Variants in HNF4G observed in about 807,000 individuals in gnomAD.
The protein encoded by HNF4G is hepatocyte nuclear factor 4 gamma.
A neutral mutation model predicts 50.9 loss-of-function variants in HNF4G; 21 were observed. That is an observed-to-expected ratio of 0.41 (90% CI 0.29 to 0.59). The LOEUF is 0.59. Ranked by LOEUF, HNF4G falls within the 20% of genes least tolerant of loss-of-function variation. The pLI, the probability that HNF4G is intolerant of heterozygous loss-of-function variation, is 0.26. For synonymous variants in HNF4G, 198 were observed against 185.6 expected, an observed-to-expected ratio of 1.07 and a Z score of -0.54; for missense variants, 527 against 559.4, an observed-to-expected ratio of 0.94 and a Z score of 0.58.
At chr8:75,472,095 G>T (rs1812128136) in intron 1 of HNF4G, among the ~76,000 whole-genome samples, 1 of 152,020 alleles carries the variant, frequency 6.6e-6, no homozygotes, top group African/African-American at 2.4e-5. Flanking sequence ...CCTATTGAAA[G>T]TGTTTCCCTT....
chr8:75,425,146 T>C (rs1235748610), intron 1 of HNF4G, among the ~76,000 whole-genome samples: 1 of 151,482 alleles, frequency 6.6e-6, no homozygotes, highest in Non-Finnish European at 1.5e-5. Context: ...AGTGCAGTGG[T>C]GCAATCTCGG....
chr8:75,529,019 G>T lies in HNF4G; in HGVS notation c.-23-14792G>T, dbSNP rs188497386. On this transcript the variant is annotated intron_variant, in intron 2 of 10. Transcript: ENST00000354370. ...CCTCAGATCTCTGCCGGGCGCGGTG[G>T]CTAACGCCTGTAATCCCAGCACTTT... Among the ~76,000 whole-genome samples, 481 of 152,198 alleles carry T rather than the reference G, an allele frequency of 3.2e-3. 4 individuals carry two copies. The highest frequency in any genetic ancestry group is 0.011 in the African/African-American group (462 of 41,546).
At chr8:75,496,029 A>G (rs1020369847) in intron 2 of HNF4G, among the ~76,000 whole-genome samples, 2 of 152,110 alleles carry the variant, frequency 1.3e-5, no homozygotes, top group African/African-American at 4.8e-5. Flanking sequence ...AGGTACTACT[A>G]ATATCTAATA....
intron 2 of HNF4G, among the ~76,000 whole-genome samples, chr8:75,546,094 ATG>A (rs1217053433): frequency 1.3e-5 from 2 of 152,158 alleles, no homozygotes; most frequent in African/African-American, 4.8e-5. Flanking sequence ...CACAAAATAT[ATG>A]TCTTTATTCT....
intron 2 of HNF4G, among the ~76,000 whole-genome samples, chr8:75,506,462 T>C (rs921522679): frequency 6.6e-6 from 1 of 152,132 alleles, no homozygotes; most frequent in African/African-American, 2.4e-5. Flanking sequence ...AAAGTGAATC[T>C]CTGATTAATA....
At chr8:75,493,406 G>A (rs2130687650) in intron 2 of HNF4G, among the ~76,000 whole-genome samples, 1 of 152,154 alleles carries the variant, frequency 6.6e-6, no homozygotes, top group Middle Eastern at 3.4e-3. Flanking sequence ...AAGCTATAAA[G>A]GTATATACAG....
intron 1 of HNF4G, among the ~76,000 whole-genome samples, chr8:75,454,036 TC>T (rs1811654462): frequency 6.6e-6 from 1 of 150,688 alleles, no homozygotes; most frequent in Non-Finnish European, 1.5e-5. Flanking sequence ...TCTCTCTCTC[TC>T]TCTCTCTCTC....
At chr8:75,459,495 G>T (rs1022991427) in intron 1 of HNF4G, among the ~76,000 whole-genome samples, 1 of 152,150 alleles carries the variant, frequency 6.6e-6, no homozygotes. Flanking sequence ...TTGAGTGATA[G>T]GATTCTGGAT....
At chr8:75,418,237 A>G (rs1810688112) in intron 1 of HNF4G, among the ~76,000 whole-genome samples, 1 of 151,986 alleles carries the variant, frequency 6.6e-6, no homozygotes, top group Admixed American at 6.6e-5. Flanking sequence ...TCCTTTTATA[A>G]GGACACCAGT....
chr8:75,485,240 A>G (rs2130667345), intron 1 of HNF4G, among the ~76,000 whole-genome samples: 1 of 152,282 alleles, frequency 6.6e-6, no homozygotes, highest in African/African-American at 2.4e-5. Context: ...AGTACTTATC[A>G]TTTTCTATAA....
chr8:75,476,360 C>T lies in HNF4G; in HGVS notation c.-143-13729C>T, dbSNP rs191688466. Among the ~76,000 whole-genome samples the T allele has an allele frequency of 1.8e-3, 268 of 152,238 alleles. 1 individual carries two copies. The highest frequency in any genetic ancestry group is 3.5e-3 in the South Asian group (17 of 4,814). On this transcript the variant is annotated intron_variant, in intron 1 of 10. Transcript: ENST00000354370. The stretch of plus-strand genomic sequence containing the variant: ...TCATTGATGAATACTTGGGTTGATT[C>T]CATGACTTTGCTATTGTGAACAGTG...
chr8:75,551,284 A>T (rs1806944374), intron 3 of HNF4G, 104 bp from the exon 4 acceptor site: 3 of 621,594 alleles, frequency 4.8e-6, no homozygotes, highest in Non-Finnish European at 8.6e-6. Context: ...TTTTAGAAAG[A>T]CTTTTTCTCA....
intron 1 of HNF4G, among the ~76,000 whole-genome samples, chr8:75,475,971 C>T (rs1017323139): frequency 4.6e-5 from 7 of 151,876 alleles, no homozygotes; most frequent in Admixed American, 6.6e-5. Flanking sequence ...GAATTTGGGG[C>T]GTACACATGC....
chr8:75,463,906 C>T (rs1200950842), intron 1 of HNF4G, among the ~76,000 whole-genome samples: 1 of 151,778 alleles, frequency 6.6e-6, no homozygotes, highest in Non-Finnish European at 1.5e-5. Context: ...TCCCGAGTAG[C>T]TGGGATTACA....
In HNF4G at chr8:75,565,054, A is replaced by G. The variant is rs1202890066; in HGVS notation, c.*958A>G. The G allele has an allele frequency of 2.7e-5, 4 of 150,748 alleles. No individual in the cohort carries two copies. The highest frequency in any genetic ancestry group is 6.0e-5 in the Non-Finnish European group (4 of 66,976). 9.3% of individuals were successfully genotyped at this position (150,748 alleles called of 1,614,324 possible). On this transcript the variant is annotated 3_prime_UTR_variant, in exon 10 of 10. Transcript: ENST00000396423. ...CTCACAATAACACTTTAGGAGAGATATCATTATCGCTGTTTTATAAATAAG... is the reference window on the plus strand; with the variant it reads ...CTCACAATAACACTTTAGGAGAGATGTCATTATCGCTGTTTTATAAATAAG...
At chr8:75,501,713 A>G (rs1812931861) in intron 2 of HNF4G, among the ~76,000 whole-genome samples, 1 of 152,204 alleles carries the variant, frequency 6.6e-6, no homozygotes, top group African/African-American at 2.4e-5. Context: ...TTTTAAATTG[A>G]CAAATTAAAA....
chr8:75,488,261 T>G (rs999339447), intron 1 of HNF4G, among the ~76,000 whole-genome samples: 1 of 152,076 alleles, frequency 6.6e-6, no homozygotes, highest in Non-Finnish European at 1.5e-5. Context: ...CATTGGACTT[T>G]TTTTGTTTTG....
chr8:75,543,985 T>G lies in HNF4G; in HGVS notation c.287+6T>G. The G allele has an allele frequency of 1.9e-6, 3 of 1,563,656 alleles. No individual in the cohort carries two copies. The highest frequency in any genetic ancestry group is 2.6e-6 in the Non-Finnish European group (3 of 1,151,264). ...AGTCACGTTTATTCTTGCAGGTACT[T>G]TAAATGCCCTTTTAGGCAAGTTATC... On this transcript the variant is annotated splice_donor_region_variant and intron_variant, in intron 2 of 9. Transcript: ENST00000396423.
At position 75,452,155 on chromosome 8, in the gene HNF4G, T is replaced by C. The variant is rs111698635; in HGVS notation, c.-143-37934T>C. Among the ~76,000 whole-genome samples the C allele has an allele frequency of 2.1e-3, 327 of 152,284 alleles. 1 individual carries two copies. The highest frequency in any genetic ancestry group is 3.8e-3 in the Non-Finnish European group (261 of 68,014). On this transcript the variant is annotated intron_variant, in intron 1 of 10. Transcript: ENST00000354370. ...CTACTGGATGTCTTTGCCAAACTGG[T>C]ATTCAACAAATTCAAAATAACTTTA... is the stretch of plus-strand genomic sequence containing the variant.
Sources: allele counts gnomAD v4.1 joint callset (sites outside exome capture counted in the v4.1 genomes callset), GRCh38; gene constraint gnomAD v4.1.1; transcripts MANE v1.5; gene names NCBI Gene and HGNC (gene_info 2026-07-23, HGNC 2026-07-21).